Variants in FGF14 observed in about 807,000 individuals in gnomAD.
FGF14 encodes fibroblast growth factor homologous factor 4.
In FGF14, 5 loss-of-function variants were observed where a neutral mutation model predicts 25.5. That is an observed-to-expected ratio of 0.20 (90% CI 0.10 to 0.41). The LOEUF (loss-of-function observed/expected upper bound fraction) is 0.41. Ranked by LOEUF, FGF14 falls within the 10% of genes least tolerant of loss-of-function variation. The pLI is 1.00. For missense variants in FGF14, 222 were observed against 320.1 expected (o/e 0.69, Z 2.34); for synonymous variants, 138 against 118.3 (o/e 1.17, Z -1.08).
intron 3 of FGF14, among the ~76,000 whole-genome samples, chr13:101,777,856 C>T (rs1333553397): frequency 2.0e-5 from 3 of 151,912 alleles, no homozygotes; most frequent in East Asian, 1.9e-4. Flanking sequence ...TCCAGCTAGT[C>T]GGGAGGCTAG....
At chr13:101,862,400 C>T (rs1031885594) in intron 3 of FGF14, among the ~76,000 whole-genome samples, 4 of 151,944 alleles carry the variant, frequency 2.6e-5, no homozygotes, top group Non-Finnish European at 5.9e-5. Flanking sequence ...TCACTATCCA[C>T]TCCAATGTCT....
At chr13:101,983,093 T>C (rs529536187) in intron 1 of FGF14, among the ~76,000 whole-genome samples, 10 of 145,764 alleles carry the variant, frequency 6.9e-5, no homozygotes, top group Non-Finnish European at 7.4e-5. Context: ...GTATTGTCTC[T>C]TTGGAGTTAT....
intron 3 of FGF14, among the ~76,000 whole-genome samples, chr13:101,807,391 T>C (rs1188437949): frequency 4.6e-5 from 7 of 152,068 alleles, no homozygotes; most frequent in Non-Finnish European, 1.0e-4. Flanking sequence ...CCTATAACAT[T>C]ATAATGTTTC....
chr13:101,780,567 G>C (rs1187712397), intron 3 of FGF14, among the ~76,000 whole-genome samples: 1 of 152,120 alleles, frequency 6.6e-6, no homozygotes, highest in Non-Finnish European at 1.5e-5. Context: ...CAGTGTCTTT[G>C]TCTAAATGAC....
intron 3 of FGF14, among the ~76,000 whole-genome samples, chr13:101,814,960 TA>T (rs1566934346): frequency 6.6e-6 from 1 of 150,472 alleles, no homozygotes; most frequent in East Asian, 1.9e-4. Context: ...ACAATAACAA[TA>T]AAAGACTCAA....
intron 3 of FGF14, among the ~76,000 whole-genome samples, chr13:101,773,019 G>A (rs1364499872): frequency 1.3e-5 from 2 of 152,106 alleles, no homozygotes; most frequent in East Asian, 3.9e-4. Context: ...TTTTGATTAA[G>A]GAAAGGTGTG....
At chr13:102,292,293 A>C (rs1017271420) in intron 1 of FGF14, 11 of 151,104 alleles carry the variant, frequency 7.3e-5, no homozygotes, top group African/African-American at 2.4e-4. Flanking sequence ...AAAAAAAAAA[A>C]AAAAAAAAAA....
intron 1 of FGF14, among the ~76,000 whole-genome samples, chr13:101,975,992 G>C (rs2037898972): frequency 6.6e-6 from 1 of 152,190 alleles, no homozygotes; most frequent in African/African-American, 2.4e-5. Flanking sequence ...TTAAGCATTT[G>C]CCTGCATTAA....
At chr13:102,181,466 G>T (rs1265365046) in intron 1 of FGF14, among the ~76,000 whole-genome samples, 1 of 152,146 alleles carries the variant, frequency 6.6e-6, no homozygotes, top group Non-Finnish European at 1.5e-5. Context: ...ATGTTATCAA[G>T]TTAAGATGAG....
At chr13:102,120,338 C>T (rs1299772986) in intron 1 of FGF14, among the ~76,000 whole-genome samples, 1 of 152,104 alleles carries the variant, frequency 6.6e-6, no homozygotes, top group African/African-American at 2.4e-5. Flanking sequence ...GATGAGAGTC[C>T]CAAAAGTACC....
At chr13:102,005,281 T>G (rs1030273830) in intron 1 of FGF14, among the ~76,000 whole-genome samples, 1 of 152,226 alleles carries the variant, frequency 6.6e-6, no homozygotes, top group African/African-American at 2.4e-5. Flanking sequence ...TATAATCAAA[T>G]GCAAATAAGC....
chr13:101,990,136 A>G (rs2038816208), intron 1 of FGF14, among the ~76,000 whole-genome samples: 1 of 152,128 alleles, frequency 6.6e-6, no homozygotes, highest in Admixed American at 6.5e-5. Context: ...CTCTGTTCAC[A>G]TTTTATGATT....
chr13:102,058,743 T>C (rs1043237972), intron 1 of FGF14, among the ~76,000 whole-genome samples: 2 of 151,988 alleles, frequency 1.3e-5, no homozygotes, highest in Non-Finnish European at 1.5e-5. Context: ...TTTTAATGAG[T>C]TTTTTAATGT....
At chr13:101,724,426 A>T in intron 4 of FGF14, among the ~76,000 whole-genome samples, 1 of 146,662 alleles carries the variant, frequency 6.8e-6, no homozygotes, top group Admixed American at 6.8e-5. Flanking sequence ...GGAACATCAC[A>T]CACACGGGCC....
intron 1 of FGF14, among the ~76,000 whole-genome samples, chr13:101,929,866 C>T (rs1044749779): frequency 1.3e-5 from 2 of 152,138 alleles, no homozygotes; most frequent in Non-Finnish European, 2.9e-5. Flanking sequence ...TGACTTTTCA[C>T]AAGGAGCATG....
At chr13:101,853,647 G>A (rs1412618037) in intron 3 of FGF14, among the ~76,000 whole-genome samples, 1 of 151,748 alleles carries the variant, frequency 6.6e-6, no homozygotes, top group Non-Finnish European at 1.5e-5. Flanking sequence ...GTAGAGACAG[G>A]GTCTCACTAT....
intron 1 of FGF14, among the ~76,000 whole-genome samples, chr13:102,332,062 A>C (rs1409079523): frequency 6.6e-6 from 1 of 152,174 alleles, no homozygotes; most frequent in Non-Finnish European, 1.5e-5. Context: ...TCCTTGAATA[A>C]GTAACTTTAC....
At chr13:102,025,284 C>T (rs373843837) in intron 1 of FGF14, among the ~76,000 whole-genome samples, 10 of 151,516 alleles carry the variant, frequency 6.6e-5, no homozygotes, top group African/African-American at 2.2e-4. Flanking sequence ...TTAAGTTTGG[C>T]GAGTACTGAC....
intron 1 of FGF14, among the ~76,000 whole-genome samples, chr13:102,307,593 C>T (rs2055464872): frequency 6.6e-6 from 1 of 152,096 alleles, no homozygotes; most frequent in Non-Finnish European, 1.5e-5. Context: ...ACACCATGTA[C>T]TTGTTATTGT....
Sources: gnomAD v4.1 joint callset for allele counts (sites outside exome capture counted in the v4.1 genomes callset) on GRCh38, gnomAD v4.1.1 for gene constraint, MANE v1.5 for transcripts, NCBI Gene and HGNC (gene_info 2026-07-23, HGNC 2026-07-21) for gene names.